Variants in GPM6A observed in about 807,000 individuals in gnomAD.
The protein encoded by GPM6A is glycoprotein M6A, also known as neuronal membrane glycoprotein M6-a.
In GPM6A, 7 loss-of-function variants were observed where a neutral mutation model predicts 32.1. The ratio of observed to expected loss-of-function variants is 0.22; its 90% CI spans 0.12 to 0.41. The LOEUF (loss-of-function observed/expected upper bound fraction) is 0.41, where lower values mean the gene tolerates loss of function less well. GPM6A is among the 10% of genes least tolerant of loss of function. The pLI is 1.00. For synonymous variants in GPM6A, 130 were observed against 123.4 expected (o/e 1.05, Z -0.35); for missense variants, 235 against 347.2 (o/e 0.68, Z 2.57).
chr4:175,671,738 C>T (rs1052908548), intron 3 of GPM6A, among the ~76,000 whole-genome samples: 3 of 152,114 alleles, frequency 2.0e-5, no homozygotes, highest in Admixed American at 2.0e-4. Context: ...AGTGTTGGGA[C>T]AGCCAGGGTA....
At chr4:175,943,663 T>C (rs1268884265) in intron 1 of GPM6A, among the ~76,000 whole-genome samples, 1 of 152,214 alleles carries the variant, frequency 6.6e-6, no homozygotes, top group Admixed American at 6.5e-5. Context: ...ATTGGTTCTG[T>C]TTATGTGATG....
chr4:175,943,458 G>A (rs116044130), intron 1 of GPM6A, among the ~76,000 whole-genome samples: 15,583 of 152,078 alleles, frequency 0.1, 868 homozygotes, highest in South Asian at 0.24. Flanking sequence ...GTCTTGTGCC[G>A]GTTTTCAAAG....
At chr4:175,715,131 T>C (rs183880478) in intron 1 of GPM6A, among the ~76,000 whole-genome samples, 2 of 152,230 alleles carry the variant, frequency 1.3e-5, no homozygotes, top group Admixed American at 1.3e-4. Context: ...CTAATTAACA[T>C]AAATGTTCCT....
intron 1 of GPM6A, among the ~76,000 whole-genome samples, chr4:175,766,794 A>G (rs1334278647): frequency 1.3e-5 from 2 of 151,732 alleles, no homozygotes; most frequent in African/African-American, 4.8e-5. Flanking sequence ...AGCTGGAATT[A>G]CAGGTGACTG....
At chr4:175,814,309 C>T (rs1166668549), upstream of GPM6A, among the ~76,000 whole-genome samples, 6 of 152,100 alleles carry the variant, frequency 3.9e-5, no homozygotes, top group African/African-American at 1.2e-4. Context: ...ACAAAAAACA[C>T]GGATGCTCAG....
chr4:175,685,943 G>A (rs542991312), intron 2 of GPM6A, among the ~76,000 whole-genome samples: 23 of 151,614 alleles, frequency 1.5e-4, no homozygotes, highest in South Asian at 4.2e-4. Context: ...GTGTGTGCAC[G>A]CACACACATT....
At position 175,722,692 on chromosome 4, in the gene GPM6A, C is replaced by T. The variant is rs540710897; in HGVS notation, c.38-20925G>A. ...CTGCCTCAAAAAACATTATGTTGTG[C>T]ATGATGTACAATATGTATAATTTTC... On this transcript the variant is annotated intron_variant, in intron 1 of 6. Transcript: ENST00000393658. 1.2e-4 allele frequency among the ~76,000 whole-genome samples: 19 copies of T among 152,184 alleles called. 1 individual carries two copies. The East Asian group carries it at 2.3e-3, about 19-fold the overall frequency.
intron 1 of GPM6A, among the ~76,000 whole-genome samples, chr4:175,946,473 A>T (rs2333324): frequency 1.3e-5 from 2 of 152,000 alleles, no homozygotes; most frequent in Non-Finnish European, 2.9e-5. Context: ...AGTAGAAAAT[A>T]AATTACACTA....
At chr4:175,961,337 G>A (rs1740157262) in intron 1 of GPM6A, 1 of 152,050 alleles carries the variant, frequency 6.6e-6, no homozygotes, top group Non-Finnish European at 1.5e-5. Context: ...AGTCACTACT[G>A]CATTCTAAAA....
At chr4:175,866,783 G>A (rs956935128) in intron 1 of GPM6A, among the ~76,000 whole-genome samples, 17 of 152,122 alleles carry the variant, frequency 1.1e-4, no homozygotes, top group Non-Finnish European at 2.1e-4. Context: ...AAATATCAAG[G>A]AGTGTGACTG....
intron 4 of GPM6A, chr4:175,641,758 C>A: frequency 6.6e-6 from 1 of 152,288 alleles, no homozygotes; most frequent in Non-Finnish European, 1.5e-5. Flanking sequence ...GGTGCAATCT[C>A]AGCTAATTGC....
chr4:175,771,588 A>G (rs80191716), intron 1 of GPM6A, among the ~76,000 whole-genome samples: 4,760 of 151,360 alleles, frequency 0.031, 107 homozygotes, highest in Non-Finnish European at 0.048. Context: ...CATAAACATT[A>G]TATTTGATGT....
upstream of GPM6A, among the ~76,000 whole-genome samples, chr4:175,817,105 G>T (rs1378398267): frequency 6.6e-6 from 1 of 152,218 alleles, no homozygotes; most frequent in Middle Eastern, 3.4e-3. Flanking sequence ...TGATCCGCCC[G>T]CCTCGGCCTC....
At chr4:175,922,519 A>G (rs1738701676) in intron 1 of GPM6A, among the ~76,000 whole-genome samples, 1 of 152,216 alleles carries the variant, frequency 6.6e-6, no homozygotes, top group Admixed American at 6.5e-5. Context: ...AAGGTTCCCA[A>G]AGGCTTCCAG....
At position 175,665,697 on chromosome 4, in the gene GPM6A, G is replaced by A. The variant is rs142352916; in HGVS notation, c.387+7983C>T. ...CTCAGGAGGCTGAAGCCGGAGAATC[G>A]TTTGAACCCAGGAGGTGGAGGTGAC... On this transcript the variant is annotated intron_variant, in intron 3 of 6. Transcript: ENST00000393658. 2.6e-4 allele frequency among the ~76,000 whole-genome samples: 40 copies of A among 151,308 alleles called. No individual in the cohort carries two copies. In the East Asian group the frequency reaches 6.0e-3, roughly 23 times the overall value.
chr4:175,864,866 G>T (rs572799152), intron 1 of GPM6A, among the ~76,000 whole-genome samples: 24 of 151,686 alleles, frequency 1.6e-4, no homozygotes, highest in Admixed American at 2.0e-4. Context: ...GAGTGCAGTG[G>T]TGTGATCTCG....
intron 1 of GPM6A, chr4:175,787,252 G>A (rs938495324): frequency 6.5e-6 from 5 of 769,240 alleles, no homozygotes; most frequent in African/African-American, 5.2e-5. Flanking sequence ...ATTTAATGAG[G>A]CATGCACTAC....
intron 1 of GPM6A, among the ~76,000 whole-genome samples, chr4:175,719,977 A>G (rs77019996): frequency 0.033 from 4,981 of 152,322 alleles, 130 homozygotes; most frequent in South Asian, 0.12. Flanking sequence ...TGAACCAAGC[A>G]TAAGCCTGTC....
intron 1 of GPM6A, among the ~76,000 whole-genome samples, chr4:175,994,575 A>C (rs1741247349): frequency 6.6e-6 from 1 of 152,214 alleles, no homozygotes; most frequent in South Asian, 2.1e-4. Flanking sequence ...TTATTGCTAG[A>C]AAAATGCTTA....
Sources: gnomAD v4.1 joint callset for allele counts (sites outside exome capture counted in the v4.1 genomes callset) on GRCh38, gnomAD v4.1.1 for gene constraint, MANE v1.5 for transcripts, NCBI Gene and HGNC (gene_info 2026-07-23, HGNC 2026-07-21) for gene names.